Variants in RHOBTB2 observed in about 807,000 individuals in gnomAD.
The protein encoded by RHOBTB2 is Rho related BTB domain containing 2.
A neutral mutation model predicts 66.5 loss-of-function variants in RHOBTB2; 39 were observed. The observed-to-expected ratio is 0.59, with a 90% CI of 0.45 to 0.77. The LOEUF is 0.77. Among genes scored for constraint, RHOBTB2 ranks in the 30% least tolerant of loss-of-function variants. RHOBTB2 has a pLI of 0.00. For missense variants in RHOBTB2, 755 were observed against 999.1 expected (o/e 0.76, Z 3.29); for synonymous variants, 390 against 395.0 (o/e 0.99, Z 0.15).
intron 9 of RHOBTB2, among the ~76,000 whole-genome samples, chr8:23,016,757 C>T (rs1411027005): frequency 6.6e-6 from 1 of 152,174 alleles, no homozygotes; most frequent in Non-Finnish European, 1.5e-5. Flanking sequence ...TCACTCCCTG[C>T]TTCCAGACCT....
Position 23,010,601 on chromosome 8 carries a change from A to G in RHOBTB2, c.1684A>G (p.Met562Val), listed in dbSNP as rs1255059728. ...RAVLEYLYTGMFTSSPDLDDM... is the reference protein window; with the variant it reads ...RAVLEYLYTGVFTSSPDLDDM... The stretch of plus-strand genomic sequence containing the variant: ...CGTGCTGGAATACCTCTACACCGGC[A>G]TGTTCACCTCCAGCCCCGACCTGGA... The change falls in exon 7 of 10, where the codon ATG (methionine) becomes GTG (valine). Residue 562 changes from methionine to valine, a missense_variant. Met to Val is a conservative substitution (Grantham distance 21). Around this residue, in one of 7 missense-constraint regions of RHOBTB2, gnomAD observed 353 missense variants for 458.2 expected, o/e 0.77. Coordinates refer to ENST00000251822, the MANE Select transcript of RHOBTB2 (RefSeq NM_015178.3). The G allele has an allele frequency of 1.2e-6, 2 of 1,614,178 alleles. No individual in the cohort carries two copies. The highest frequency in any genetic ancestry group is 1.7e-5 in the Admixed American group (1 of 60,018).
At chr8:23,013,469 A>G (rs1160566238) in intron 7 of RHOBTB2, among the ~76,000 whole-genome samples, 1 of 151,952 alleles carries the variant, frequency 6.6e-6, no homozygotes, top group Non-Finnish European at 1.5e-5. Context: ...ATTAAACACT[A>G]CAGCATGGTT....
At chr8:23,012,291 T>C (rs902405660) in intron 7 of RHOBTB2, among the ~76,000 whole-genome samples, 3 of 152,210 alleles carry the variant, frequency 2.0e-5, no homozygotes, top group Non-Finnish European at 4.4e-5. Flanking sequence ...AGAAAAACCG[T>C]TGGTGAAGCA....
At chr8:22,983,488 GAA>G (rs113934503), upstream of RHOBTB2, among the ~76,000 whole-genome samples, 8 of 119,312 alleles carry the variant, frequency 6.7e-5, no homozygotes, top group East Asian at 2.4e-4. Flanking sequence ...CACCTCTCAA[GAA>G]AAAAAAAAAA....
At chr8:22,953,666 C>T in the RHOBTB2 span, among the ~76,000 whole-genome samples, 1 of 151,986 alleles carries the variant, frequency 6.6e-6, no homozygotes, top group Non-Finnish European at 1.5e-5. Context: ...TGCATTTTAG[C>T]ACTGAGTGCT....
chr8:22,972,768 T>C, the RHOBTB2 span, among the ~76,000 whole-genome samples: 1 of 152,248 alleles, frequency 6.6e-6, no homozygotes, highest in Non-Finnish European at 1.5e-5. Context: ...CTCCCCTGGC[T>C]GCTGACCATG....
the RHOBTB2 span, among the ~76,000 whole-genome samples, chr8:22,964,085 GTTTT>G: frequency 6.6e-6 from 1 of 151,596 alleles, no homozygotes; most frequent in Non-Finnish European, 1.5e-5. Context: ...CCAGCCTCCT[GTTTT>G]TTTTGTTTTT....
the RHOBTB2 span, among the ~76,000 whole-genome samples, chr8:22,968,303 A>G: frequency 8.5e-5 from 13 of 152,186 alleles, no homozygotes; most frequent in African/African-American, 3.1e-4. Context: ...AGTATATATT[A>G]AATCATAAAT....
At chr8:22,950,838 G>A in the RHOBTB2 span, among the ~76,000 whole-genome samples, 3 of 152,256 alleles carry the variant, frequency 2.0e-5, no homozygotes, top group African/African-American at 4.8e-5. Context: ...TACTGTACAC[G>A]TGGAAGTAAG....
chr8:22,994,980 G>A (rs1266616302), upstream of RHOBTB2, among the ~76,000 whole-genome samples: 1 of 152,162 alleles, frequency 6.6e-6, no homozygotes, highest in Non-Finnish European at 1.5e-5. Flanking sequence ...TGGCCAGGCT[G>A]GTCTCAAACT....
the RHOBTB2 span, among the ~76,000 whole-genome samples, chr8:22,978,655 A>C: frequency 6.6e-6 from 1 of 151,692 alleles, no homozygotes; most frequent in Non-Finnish European, 1.5e-5. Context: ...ACGTAACAGG[A>C]GGCTAGAAGA....
At chr8:22,954,509 T>G in the RHOBTB2 span, among the ~76,000 whole-genome samples, 6 of 148,712 alleles carry the variant, frequency 4.0e-5, no homozygotes, top group Non-Finnish European at 5.9e-5. Context: ...TAATCTTTTT[T>G]GTTTATTACA....
chr8:22,977,391 G>T, the RHOBTB2 span, among the ~76,000 whole-genome samples: 1 of 151,882 alleles, frequency 6.6e-6, no homozygotes. Flanking sequence ...ATCAGCCTGG[G>T]CAACATGGCA....
rs181224694 is a variant in RHOBTB2 at position 23,001,434 on chromosome 8, A to T, written c.-11+1329A>T. On this transcript the variant is annotated intron_variant, in intron 1 of 9. Coordinates refer to ENST00000251822, the MANE Select transcript of RHOBTB2 (RefSeq NM_015178.3). ...ACATCAGCAACATCCTAGGGCAAAA[A>T]TTATATTACTCTTGGCACACTCTCT... 4.6e-5 allele frequency among the ~76,000 whole-genome samples: 7 copies of T among 152,172 alleles called. No individual in the cohort carries two copies. In the East Asian group the frequency reaches 1.4e-3, roughly 29 times the overall value.
chr8:22,986,285 T>C (rs924891628), upstream of RHOBTB2, among the ~76,000 whole-genome samples: 1 of 149,070 alleles, frequency 6.7e-6, no homozygotes, highest in African/African-American at 2.5e-5. Context: ...TTTTTTTTTT[T>C]TTTCTGGGAG....
At chr8:22,973,787 G>T in the RHOBTB2 span, among the ~76,000 whole-genome samples, 1 of 152,176 alleles carries the variant, frequency 6.6e-6, no homozygotes, top group Non-Finnish European at 1.5e-5. Context: ...AAGAGGCAAA[G>T]TCTGCAGGAG....
chr8:22,974,152 A>G, the RHOBTB2 span, among the ~76,000 whole-genome samples: 1 of 151,996 alleles, frequency 6.6e-6, no homozygotes, highest in Non-Finnish European at 1.5e-5. Context: ...TCCCGGGTCT[A>G]GGGTGGGGGT....
chr8:22,961,700 G>T, the RHOBTB2 span, among the ~76,000 whole-genome samples: 1 of 152,120 alleles, frequency 6.6e-6, no homozygotes, highest in South Asian at 2.1e-4. Context: ...GTGGCTCTGA[G>T]GTTGTCTTTG....
At position 23,006,589 on chromosome 8, in the gene RHOBTB2, G is replaced by A. The variant is rs1042927272; in HGVS notation, c.483-139G>A. On this transcript the variant is annotated intron_variant, in intron 4 of 9. Coordinates refer to ENST00000251822, the MANE Select transcript of RHOBTB2 (RefSeq NM_015178.3). The surrounding 1 kb of genome is among the most constrained non-coding windows in gnomAD (Gnocchi z 6.1). ...AGTGGACCTTGAAGGAGCTTGATGG[G>A]ATTTGGCCAGACAGAGCAGGGCAGG... 1 of 819,262 alleles carries A rather than the reference G, an allele frequency of 1.2e-6. No homozygotes were observed. The highest frequency in any genetic ancestry group is 2.0e-6 in the Non-Finnish European group (1 of 508,346). The allele number at this position is 819,262 out of a possible 1,614,324, so 50.7% of individuals were successfully genotyped here. A position where few individuals can be genotyped will look rare whatever the true frequency, so the allele number is the denominator to read the frequency against.
Sources: allele counts gnomAD v4.1 joint callset (sites outside exome capture counted in the v4.1 genomes callset), GRCh38; gene constraint gnomAD v4.1.1; regional missense constraint gnomAD v4.1.1; non-coding constraint Gnocchi (gnomAD v3.1); transcripts MANE v1.5; gene names NCBI Gene and HGNC (gene_info 2026-07-23, HGNC 2026-07-21).